The following ODF2 variants were observed in gnomAD, a reference collection of about 807,000 sequenced individuals.
The protein encoded by ODF2 is outer dense fiber protein 2.
Under a neutral mutation model 110.2 loss-of-function variants are expected in ODF2, and 47 were observed. That is an observed-to-expected ratio of 0.43 (90% confidence interval 0.34 to 0.54). The LOEUF is 0.54. Among genes scored for constraint, ODF2 ranks in the 20% least tolerant of loss-of-function variants. ODF2 has a pLI of 0.03. For synonymous variants in ODF2, 352 were observed against 397.7 expected (o/e 0.89, Z 1.37); for missense variants, 812 against 1,054.5 (o/e 0.77, Z 3.19).
intron 16 of ODF2, among the ~76,000 whole-genome samples, chr9:128,493,119 T>A (rs566610015): frequency 6.6e-6 from 1 of 152,042 alleles, no homozygotes; most frequent in East Asian, 1.9e-4. Context: ...GCACGGTCTC[T>A]CACACCTGTA....
At chr9:128,455,648 T>C (rs1834619836), upstream of ODF2, among the ~76,000 whole-genome samples, 1 of 135,288 alleles carries the variant, frequency 7.4e-6, no homozygotes, top group African/African-American at 3.0e-5. Context: ...TTTCTCCTGT[T>C]GGGGCCAAGA....
At chr9:128,469,723 G>A (rs1305105602) in intron 5 of ODF2, among the ~76,000 whole-genome samples, 1 of 151,772 alleles carries the variant, frequency 6.6e-6, no homozygotes, top group African/African-American at 2.4e-5. Context: ...GGCCGGGCAT[G>A]GTGGCTCACG....
At chr9:128,466,870 G>T (rs895492811) in intron 4 of ODF2, among the ~76,000 whole-genome samples, 23 of 145,772 alleles carry the variant, frequency 1.6e-4, no homozygotes, top group African/African-American at 5.7e-4. Flanking sequence ...TCAGCTACTC[G>T]GGAGGCTGAG....
intron 13 of ODF2, among the ~76,000 whole-genome samples, chr9:128,487,341 A>G (rs148726803): frequency 6.6e-4 from 100 of 152,322 alleles, no homozygotes; most frequent in Middle Eastern, 6.8e-3. Flanking sequence ...GACGTCGTTC[A>G]GAGGTGGGAC....
chr9:128,487,308 G>C (rs1447515967), intron 13 of ODF2, among the ~76,000 whole-genome samples: 1 of 152,134 alleles, frequency 6.6e-6, no homozygotes, highest in Admixed American at 6.5e-5. Flanking sequence ...TGGAGGGGGA[G>C]GTATGGGAGA....
rs151047927 is a variant in ODF2 at position 128,481,564 on chromosome 9, T to C, written c.844-16T>C. 7.1e-5 allele frequency: 114 copies of C among 1,608,838 alleles called. No individual in the cohort carries two copies. The East Asian group carries it at 2.2e-3, about 31-fold the overall frequency. Reference sequence around the variant, plus strand: ...TTGCTTAATGACTTGACTTTTTCCTTTGCCTTTCTTTGAAGGATTCTGAAA... The same window carrying C: ...TTGCTTAATGACTTGACTTTTTCCTCTGCCTTTCTTTGAAGGATTCTGAAA... On this transcript the variant is annotated splice_polypyrimidine_tract_variant and intron_variant, in intron 8 of 20. Coordinates refer to ENST00000604420, the Ensembl canonical transcript of ODF2.
At chr9:128,461,191 G>T in intron 4 of ODF2, 124 bp downstream of exon 4, 2 of 1,250,442 alleles carry the variant, frequency 1.6e-6, no homozygotes, top group Non-Finnish European at 1.1e-6. Flanking sequence ...ATTTACTGAG[G>T]GCCTTGCTAA....
At chr9:128,475,563 T>C (rs1266227419) in intron 8 of ODF2, among the ~76,000 whole-genome samples, 1 of 152,152 alleles carries the variant, frequency 6.6e-6, no homozygotes, top group Non-Finnish European at 1.5e-5. Context: ...CTAATTGAAA[T>C]CTTATATCCT....
chr9:128,494,958 T>TCCTCAGCTCC lies in ODF2; in HGVS notation c.1911+291_1911+300dup. ...CCTCTGCCTGTGTGCTCCGCAGCTGTCCTCAGCTCCACACCCACAGCTGGG... is the reference window on the plus strand; with the variant it reads ...CCTCTGCCTGTGTGCTCCGCAGCTGTCCTCAGCTCCCCTCAGCTCCACACCCACAGCTGGG... On this transcript the variant is annotated intron_variant, in intron 17 of 20. Coordinates refer to ENST00000604420, the Ensembl canonical transcript of ODF2. The surrounding 1 kb of genome is among the most constrained non-coding windows in gnomAD (Gnocchi z 4.6). The TCCTCAGCTCC allele has an allele frequency of 2.5e-6, 2 of 785,032 alleles. No homozygotes were observed. Among genetic ancestry groups the TCCTCAGCTCC allele is most frequent in the South Asian group, 3.8e-5 (2 of 52,240 alleles). The allele number at this position is 785,032 out of a possible 1,614,324, so 48.6% of individuals were successfully genotyped here.
chr9:128,499,598 C>CATTTT (rs1554860853), intron 20 of ODF2, among the ~76,000 whole-genome samples: 13 of 151,600 alleles, frequency 8.6e-5, no homozygotes, highest in Non-Finnish European at 1.6e-4. Flanking sequence ...CCCAGACTCA[C>CATTTT]GTTTTGTTTT....
chr9:128,487,464 C>T (rs1024133060), intron 13 of ODF2, among the ~76,000 whole-genome samples: 1 of 152,066 alleles, frequency 6.6e-6, no homozygotes, highest in Non-Finnish European at 1.5e-5. Context: ...CGCTGGGTCC[C>T]ACACCACACA....
rs530220288 is a variant in ODF2, at chr9:128,470,724, G to T, written c.421-584G>T. On this transcript the variant is annotated intron_variant, in intron 5 of 20. Coordinates refer to ENST00000604420, the Ensembl canonical transcript of ODF2. ...TGGTGTGCCAGCCAAACCACGGTTTGCAACCTGGCTTCGTTCCCAACCCAC... is the reference window on the plus strand; with the variant it reads ...TGGTGTGCCAGCCAAACCACGGTTTTCAACCTGGCTTCGTTCCCAACCCAC... Among the ~76,000 whole-genome samples the T allele has an allele frequency of 1.5e-4, 23 of 151,970 alleles. No individual in the cohort carries two copies. In the South Asian group the frequency reaches 4.0e-3, roughly 26 times the overall value.
At chr9:128,483,941 C>G in exon 11 of ODF2, 1 of 1,611,034 alleles carries the variant, frequency 6.2e-7, no homozygotes, top group Non-Finnish European at 8.5e-7. Context: ...TCCACAGGCT[C>G]AAGCAAAGAC....
intron 8 of ODF2, among the ~76,000 whole-genome samples, chr9:128,474,190 C>T (rs1299022412): frequency 2.0e-5 from 3 of 152,000 alleles, no homozygotes; most frequent in Admixed American, 1.3e-4. Flanking sequence ...GAAACTCCAT[C>T]TCTACTAAAA....
intron 14 of ODF2, among the ~76,000 whole-genome samples, chr9:128,491,015 T>C (rs1390875860): frequency 3.3e-5 from 5 of 152,128 alleles, no homozygotes; most frequent in African/African-American, 9.7e-5. Context: ...CATAATTTTT[T>C]TTTTTAAATA....
rs375313645 is a variant in ODF2 at position 128,484,076 on chromosome 9, G to A, written c.1104+22G>A. The A allele has an allele frequency of 4.2e-5, 66 of 1,562,732 alleles. No individual in the cohort carries two copies. In the African/African-American group the frequency reaches 8.6e-4, roughly 20 times the overall value. On this transcript the variant is annotated intron_variant, in intron 11 of 20. Coordinates refer to ENST00000604420, the Ensembl canonical transcript of ODF2. ...TAAGGTACCTATTGGCCCCACAAGT[G>A]GGGAAAGAGGAGGCAAGGGCCTGCC... is the stretch of plus-strand genomic sequence containing the variant.
chr9:128,487,813 A>ACG (rs1843696436), intron 13 of ODF2, 77 bp from the exon 14 acceptor site: 1 of 1,437,286 alleles, frequency 7.0e-7, no homozygotes, highest in African/African-American at 1.5e-5. Flanking sequence ...AAACACACAC[A>ACG]CACACACACA....
intron 1 of ODF2, chr9:128,456,669 G>T (rs1371653255): frequency 1.1e-5 from 16 of 1,453,480 alleles, no homozygotes; most frequent in African/African-American, 1.0e-4. Flanking sequence ...TCCTCTCCTC[G>T]GGCCTCCACA....
chr9:128,468,883 GC>G (rs1368160798), intron 4 of ODF2: 1 of 288,672 alleles, frequency 3.5e-6, no homozygotes, highest in Non-Finnish European at 6.4e-6. Flanking sequence ...GCTGGTTTTG[GC>G]TTCCCGCCTC....
Sources: gnomAD v4.1 joint callset for allele counts (sites outside exome capture counted in the v4.1 genomes callset) on GRCh38, gnomAD v4.1.1 for gene constraint, Gnocchi (gnomAD v3.1) non-coding constraint, MANE v1.5 for transcripts, NCBI Gene and HGNC (gene_info 2026-07-23, HGNC 2026-07-21) for gene names.